RRBP1: variants seen among roughly 807,000 people sequenced by gnomAD.
The protein encoded by RRBP1 is ribosome-binding protein 1.
Under a neutral mutation model 165.2 loss-of-function variants are expected in RRBP1, and 94 were observed. The ratio of observed to expected loss-of-function variants is 0.57; its 90% CI spans 0.48 to 0.68. The LOEUF (loss-of-function observed/expected upper bound fraction) is 0.68, where lower values mean the gene tolerates loss of function less well. Among genes scored for constraint, RRBP1 ranks in the 30% least tolerant of loss-of-function variants. RRBP1 has a pLI of 0.00. For missense variants in RRBP1, 1,676 were observed against 1,763.0 expected, an observed-to-expected ratio of 0.95 and a Z score of 0.88; for synonymous variants, 680 against 714.5, an observed-to-expected ratio of 0.95 and a Z score of 0.77.
At chr20:17,629,559 C>A (rs544002067) in intron 9 of RRBP1, among the ~76,000 whole-genome samples, 1 of 151,904 alleles carries the variant, frequency 6.6e-6, no homozygotes, top group Non-Finnish European at 1.5e-5. Context: ...CCTTGCCCCC[C>A]ACTTCTAGCC....
rs2036371446 is a variant in RRBP1 at position 17,641,980 on chromosome 20, C to A, written c.2062-61G>T. 3 of 1,565,620 alleles carry A rather than the reference C, an allele frequency of 1.9e-6. No homozygotes were observed. In the Admixed American group the frequency reaches 5.2e-5, roughly 27 times the overall value. On this transcript the variant is annotated intron_variant, in intron 4 of 24. Coordinates refer to ENST00000377813, the MANE Select transcript of RRBP1 (RefSeq NM_001365613.2). Reference sequence around the variant, plus strand: ...AAATGGGACTTGGCTCATCCCCTGACCCCGGACAAGAGCAGAGGCCTGAGG... The same window carrying A: ...AAATGGGACTTGGCTCATCCCCTGAACCCGGACAAGAGCAGAGGCCTGAGG...
rs1415548424 is a variant in RRBP1 at position 17,627,675 on chromosome 20, G to A, written c.2757C>T (p.His919=). 3.1e-6 allele frequency: 5 copies of A among 1,599,516 alleles called. No individual in the cohort carries two copies. The highest frequency in any genetic ancestry group is 4.3e-6 in the Non-Finnish European group (5 of 1,171,972). ...CCGCCTCGGAGGACTGTAACTTGCT[G>A]TGCAGCTCTGGTGCAGAGGAAGGGA... ...QEQQQQMAEL[H]SKLQSSEAEV... is the part of the protein sequence containing the mutation. The change falls in exon 10 of 25, where the codon CAC becomes CAT. Residue 919 remains histidine, a synonymous_variant. Transcript: ENST00000377813.
At chr20:17,657,331 G>C (rs2036662646) in intron 3 of RRBP1, among the ~76,000 whole-genome samples, 1 of 152,206 alleles carries the variant, frequency 6.6e-6, no homozygotes, top group Non-Finnish European at 1.5e-5. Context: ...CTCTCACACG[G>C]AGCAGGGGGC....
At chr20:17,617,164 C>T (rs73260599) in intron 20 of RRBP1, among the ~76,000 whole-genome samples, 3,463 of 151,544 alleles carry the variant, frequency 0.023, 133 homozygotes, top group African/African-American at 0.08. Flanking sequence ...GGGGGGTGGC[C>T]GCCACACTGT....
intron 16 of RRBP1, 79 bp downstream of exon 16, chr20:17,621,379 C>T: frequency 9.1e-7 from 1 of 1,103,526 alleles, no homozygotes; most frequent in South Asian, 1.3e-5. Context: ...ACCAGGCCAC[C>T]TCCTGCCCCA....
At chr20:17,624,743 C>CA in intron 12 of RRBP1, 75 bp from the exon 13 acceptor site, 1 of 1,106,962 alleles carries the variant, frequency 9.0e-7, no homozygotes, top group Admixed American at 2.0e-5. Flanking sequence ...TCAGACAGGA[C>CA]AGGGCCCAGA....
Position 17,618,961 on chromosome 20 carries a change from A to AT in RRBP1, c.3676-283dup, listed in dbSNP as rs202007183. 6.1e-3 allele frequency: 2,338 copies of AT among 381,342 alleles called. 1 individual carries two copies. The highest frequency in any genetic ancestry group is 7.4e-3 in the Non-Finnish European group (1,511 of 203,574). The allele number at this position is 381,342 out of a possible 1,614,324, so 23.6% of individuals were successfully genotyped here. On this transcript the variant is annotated intron_variant, in intron 19 of 24. Coordinates refer to ENST00000377813, the MANE Select transcript of RRBP1 (RefSeq NM_001365613.2). ...AAAAAAGGGCCAAAAGTTGGAGATGATTTTTTTTTTCAGAGATGGTCTCAA... is the reference window on the plus strand; with the variant it reads ...AAAAAAGGGCCAAAAGTTGGAGATGATTTTTTTTTTTCAGAGATGGTCTCAA...
At chr20:17,639,798 C>A (rs976665531) in intron 5 of RRBP1, among the ~76,000 whole-genome samples, 1 of 149,730 alleles carries the variant, frequency 6.7e-6, no homozygotes, top group Non-Finnish European at 1.5e-5. Context: ...GAGGCTGAGA[C>A]AGGAGAATCG....
At chr20:17,668,079 G>C (rs2036903628) in intron 2 of RRBP1, among the ~76,000 whole-genome samples, 1 of 152,164 alleles carries the variant, frequency 6.6e-6, no homozygotes, top group South Asian at 2.1e-4. Flanking sequence ...TAAGGATTCA[G>C]CAAAATGTTT....
At chr20:17,641,349 A>C (rs957886508) in intron 5 of RRBP1, 2 of 172,870 alleles carry the variant, frequency 1.2e-5, no homozygotes, top group Non-Finnish European at 2.5e-5. Flanking sequence ...AAGGGAGAAG[A>C]GCAGCCCCTC....
intron 3 of RRBP1, among the ~76,000 whole-genome samples, chr20:17,645,454 G>GC (rs1386237342): frequency 2.0e-5 from 3 of 152,122 alleles, no homozygotes; most frequent in Admixed American, 2.0e-4. Flanking sequence ...ACCTCTCATG[G>GC]CCCCCCAGAA....
chr20:17,659,829 T>G lies in RRBP1; in HGVS notation c.679A>C (p.Asn227His), dbSNP rs1010421755. The part of the protein sequence containing the change: ...NQGRKAEGTP[N>H]QGKKTEGTPN... ...GTTCCCTCTGTCTTTTTGCCCTGGT[T>G]TGGGGTTCCCTCTGCCTTTCTGCCC... Residue 227 changes from asparagine to histidine, a missense_variant, in exon 3 of 25, where the codon AAC becomes CAC. Physicochemically the swap from Asn to His is moderately conservative, Grantham distance 68. Transcript: ENST00000377813. 4 of 1,551,316 alleles carry G rather than the reference T, an allele frequency of 2.6e-6. No individual in the cohort carries two copies. The highest frequency in any genetic ancestry group is 1.7e-4 in the Middle Eastern group (1 of 5,992).
chr20:17,648,580 CAA>C (rs1263783659), intron 3 of RRBP1, among the ~76,000 whole-genome samples: 2 of 152,230 alleles, frequency 1.3e-5, no homozygotes, highest in African/African-American at 4.8e-5. Context: ...AAGAACAACC[CAA>C]TTCAGGGCCT....
intron 2 of RRBP1, among the ~76,000 whole-genome samples, chr20:17,664,284 G>A (rs1033121808): frequency 2.0e-5 from 3 of 152,210 alleles, no homozygotes; most frequent in African/African-American, 7.2e-5. Flanking sequence ...CTGCACACGG[G>A]ATCGTTCACA....
chr20:17,634,797 G>C (rs2036218793), intron 7 of RRBP1, among the ~76,000 whole-genome samples: 1 of 152,192 alleles, frequency 6.6e-6, no homozygotes, highest in Admixed American at 6.5e-5. Context: ...GACCCAGAGG[G>C]GACAGGCAGA....
At chr20:17,631,281 C>T (rs147044756) in intron 8 of RRBP1, among the ~76,000 whole-genome samples, 40 of 152,366 alleles carry the variant, frequency 2.6e-4, no homozygotes, top group African/African-American at 9.1e-4. Context: ...AGGGTCATTA[C>T]ACGACTGGAA....
In RRBP1 at chr20:17,615,907, C is replaced by T. The variant is rs2035790812; in HGVS notation, c.3951+19G>A. On this transcript the variant is annotated intron_variant, in intron 22 of 24. Coordinates refer to ENST00000377813, the MANE Select transcript of RRBP1 (RefSeq NM_001365613.2). ...CCCAGGGGCTGATGGGGGCTGAGAGCCACCAGGCAGGGCCTGACCTCCTCA... is the reference window on the plus strand; with the variant it reads ...CCCAGGGGCTGATGGGGGCTGAGAGTCACCAGGCAGGGCCTGACCTCCTCA... 1 of 1,603,338 alleles carries T rather than the reference C, an allele frequency of 6.2e-7. No homozygotes were observed.
At chr20:17,653,734 T>C (rs1341385940) in intron 3 of RRBP1, among the ~76,000 whole-genome samples, 1 of 150,860 alleles carries the variant, frequency 6.6e-6, no homozygotes, top group Non-Finnish European at 1.5e-5. Flanking sequence ...CTTGGGAGGC[T>C]GAGGCAGGAG....
intron 2 of RRBP1, among the ~76,000 whole-genome samples, chr20:17,670,443 A>T (rs1460647421): frequency 3.7e-4 from 6 of 16,250 alleles, no homozygotes; most frequent in Non-Finnish European, 7.2e-4. Context: ...ATTACCTTTA[A>T]AAAAAAAAAA....
Sources: allele counts gnomAD v4.1 joint callset (sites outside exome capture counted in the v4.1 genomes callset), GRCh38; gene constraint gnomAD v4.1.1; transcripts MANE v1.5; gene names NCBI Gene and HGNC (gene_info 2026-07-23, HGNC 2026-07-21).